The following RAD18 variants were observed in gnomAD, a reference collection of about 807,000 sequenced individuals.
RAD18 encodes RAD18 E3 ubiquitin protein ligase.
RAD18 carries 47 observed loss-of-function variants against 60.4 expected under a neutral mutation model. The ratio of observed to expected loss-of-function variants is 0.78; its 90% CI spans 0.62 to 0.99. The LOEUF is 0.99. Among genes scored for constraint, RAD18 ranks in the 50% least tolerant of loss-of-function variants. The pLI, the probability that RAD18 is intolerant of heterozygous loss-of-function variation, is 0.00. For missense variants in RAD18, 640 were observed against 593.3 expected (o/e 1.08, Z -0.82); for synonymous variants, 225 against 195.5 (o/e 1.15, Z -1.26).
chr3:8,941,843 C>T, intron 4 of RAD18, 39 bp from the exon 5 acceptor site: 3 of 1,494,724 alleles, frequency 2.0e-6, no homozygotes, highest in Non-Finnish European at 2.7e-6. Context: ...TTAAGAGATC[C>T]AATTTTACAT....
rs1031377293 is a variant in RAD18, at chr3:8,890,392, T to C, written c.1382A>G (p.His461Arg). The part of the protein sequence containing the change: ...LEEEEAWEAS[H>R]KNDLQDTEIS... The stretch of plus-strand genomic sequence containing the variant: ...TTTCATGATTATGAGAACTCACTTA[T>C]GTGATGCTTCCCAGGCTTCCTCTTC... Residue 461 changes from histidine to arginine, a missense_variant, in exon 12 of 13, where the codon CAT becomes CGT. Physicochemically the swap from His to Arg is conservative, Grantham distance 29 (BLOSUM62 0). Coordinates refer to ENST00000264926, the MANE Select transcript of RAD18 (RefSeq NM_020165.4). The C allele has an allele frequency of 1.5e-5, 24 of 1,581,746 alleles. No homozygotes were observed. Among genetic ancestry groups the C allele is most frequent in the Non-Finnish European group, 2.0e-5 (23 of 1,150,764 alleles).
At chr3:8,902,620 G>T in intron 9 of RAD18, 100 bp from the exon 10 acceptor site, 1 of 1,220,054 alleles carries the variant, frequency 8.2e-7, no homozygotes. Context: ...GGATGGGCAT[G>T]GTGGCTTACG....
Position 8,913,730 on chromosome 3 carries a change from T to A in RAD18, c.890-10A>T. The A allele has an allele frequency of 1.3e-6, 2 of 1,505,692 alleles. No individual in the cohort carries two copies. Among genetic ancestry groups the A allele is most frequent in the East Asian group, 4.6e-5 (2 of 43,892 alleles). The allele number at this position is 1,505,692 out of a possible 1,614,324, so 93.3% of individuals were successfully genotyped here. On this transcript the variant is annotated splice_polypyrimidine_tract_variant and intron_variant, in intron 7 of 12. Transcript: ENST00000264926. ...CGAACTATTTCAGCAGCTGTTAAAA[T>A]AAGAAAATAACCACTAGGTTAATCA...
At chr3:8,951,166 A>T (rs1016775128) in intron 2 of RAD18, among the ~76,000 whole-genome samples, 1 of 152,220 alleles carries the variant, frequency 6.6e-6, no homozygotes, top group East Asian at 1.9e-4. Flanking sequence ...GAGAACACTA[A>T]CCAGGATAAA....
chr3:8,928,195 G>A (rs1399556158), intron 7 of RAD18, among the ~76,000 whole-genome samples: 1 of 151,376 alleles, frequency 6.6e-6, no homozygotes, highest in Non-Finnish European at 1.5e-5. Flanking sequence ...ACAAAAAGAA[G>A]TATAGCTCGT....
chr3:8,882,248 G>A (rs1939477709), intron 12 of RAD18, among the ~76,000 whole-genome samples: 1 of 152,212 alleles, frequency 6.6e-6, no homozygotes, highest in South Asian at 2.1e-4. Context: ...AAGACCTATG[G>A]CCTCTGGGGA....
chr3:8,922,057 G>A lies in RAD18; in HGVS notation c.890-8337C>T, dbSNP rs544763680. Among the ~76,000 whole-genome samples the A allele has an allele frequency of 2.6e-5, 4 of 152,302 alleles. No individual in the cohort carries two copies. The South Asian group carries it at 8.3e-4, about 32-fold the overall frequency. On this transcript the variant is annotated intron_variant, in intron 7 of 12. Coordinates refer to ENST00000264926, the MANE Select transcript of RAD18 (RefSeq NM_020165.4). ...TCTGCATTTCCAACTGAGGTACCAG[G>A]TTCATCTCACTGGGGATTTTCGGAC...
intron 4 of RAD18, 141 bp from the exon 5 acceptor site, chr3:8,941,945 T>C (rs1940754625): frequency 1.3e-6 from 1 of 740,902 alleles, no homozygotes. Context: ...CCAAAGTTTC[T>C]TCTAGTATAA....
chr3:8,953,020 T>C (rs1194983356), intron 2 of RAD18, among the ~76,000 whole-genome samples: 1 of 152,118 alleles, frequency 6.6e-6, no homozygotes, highest in African/African-American at 2.4e-5. Flanking sequence ...GTATGGTTTC[T>C]ACTGAATGTG....
intron 5 of RAD18, among the ~76,000 whole-genome samples, chr3:8,941,011 G>A (rs752380453): frequency 2.0e-5 from 3 of 152,350 alleles, no homozygotes; most frequent in Non-Finnish European, 2.9e-5. Flanking sequence ...GAACAGTGGG[G>A]AGGCTAGAGC....
chr3:8,926,766 C>A (rs1465864944), intron 7 of RAD18, among the ~76,000 whole-genome samples: 3 of 152,172 alleles, frequency 2.0e-5, no homozygotes, highest in Admixed American at 2.0e-4. Context: ...ATATCTACGA[C>A]TATCTGATCT....
At chr3:8,960,183 T>C (rs1435912795) in intron 1 of RAD18, among the ~76,000 whole-genome samples, 1 of 152,168 alleles carries the variant, frequency 6.6e-6, no homozygotes, top group Non-Finnish European at 1.5e-5. Flanking sequence ...GGCGCATGCC[T>C]GTAGTCCCAG....
intron 4 of RAD18, among the ~76,000 whole-genome samples, chr3:8,943,014 C>T (rs1425577339): frequency 6.6e-6 from 1 of 152,180 alleles, no homozygotes; most frequent in African/African-American, 2.4e-5. Flanking sequence ...ATGGACCACA[C>T]TGAAGAAATA....
chr3:8,942,294 C>T (rs1940763535), intron 4 of RAD18, among the ~76,000 whole-genome samples: 1 of 152,078 alleles, frequency 6.6e-6, no homozygotes, highest in African/African-American at 2.4e-5. Flanking sequence ...GGTGTGGCAC[C>T]TCCCACTCTG....
At chr3:8,908,235 T>TC (rs1321253689) in intron 9 of RAD18, among the ~76,000 whole-genome samples, 1 of 151,678 alleles carries the variant, frequency 6.6e-6, no homozygotes, top group Non-Finnish European at 1.5e-5. Flanking sequence ...AAGAGGCTCT[T>TC]CCCCCAGGCC....
intron 2 of RAD18, among the ~76,000 whole-genome samples, chr3:8,951,241 C>T (rs996614627): frequency 6.6e-6 from 1 of 151,930 alleles, no homozygotes; most frequent in Non-Finnish European, 1.5e-5. Flanking sequence ...TCAAAGATAA[C>T]GAAAAAATAT....
Position 8,914,379 on chromosome 3 carries a change from T to C in RAD18, c.890-659A>G, listed in dbSNP as rs1427043340. On this transcript the variant is annotated intron_variant, in intron 7 of 12. Transcript: ENST00000264926. ...AACCCTCATTTATACTTAAAAATTA[T>C]ATCTGGAATTTGCTTCAAAATAATC... Among the ~76,000 whole-genome samples, 5 of 152,188 alleles carry C rather than the reference T, an allele frequency of 3.3e-5. No individual in the cohort carries two copies. In the East Asian group the frequency reaches 9.6e-4, roughly 29 times the overall value.
chr3:8,885,741 A>T (rs1408994150), intron 12 of RAD18, among the ~76,000 whole-genome samples: 1 of 152,256 alleles, frequency 6.6e-6, no homozygotes, highest in African/African-American at 2.4e-5. Context: ...ATGATTATTC[A>T]TAAAGGGGGA....
At chr3:8,923,080 T>G (rs1032310574) in intron 7 of RAD18, among the ~76,000 whole-genome samples, 1 of 151,846 alleles carries the variant, frequency 6.6e-6, no homozygotes, top group African/African-American at 2.4e-5. Flanking sequence ...CTTCGACGAG[T>G]TGAGAGAAGA....
Sources: allele counts gnomAD v4.1 joint callset (sites outside exome capture counted in the v4.1 genomes callset), GRCh38; gene constraint gnomAD v4.1.1; transcripts MANE v1.5; gene names NCBI Gene and HGNC (gene_info 2026-07-23, HGNC 2026-07-21).